The following PTPRK variants were observed in gnomAD, a reference collection of about 807,000 sequenced individuals.
The protein encoded by PTPRK is protein tyrosine phosphatase receptor type K.
Under a neutral mutation model 178.0 loss-of-function variants are expected in PTPRK, and 75 were observed. The ratio of observed to expected loss-of-function variants is 0.42; its 90% CI spans 0.35 to 0.51. PTPRK has a LOEUF of 0.51. Among genes scored for constraint, PTPRK ranks in the 20% least tolerant of loss-of-function variants. The pLI is 0.02. For synonymous variants in PTPRK, 637 were observed against 620.6 expected, an observed-to-expected ratio of 1.03 and a Z score of -0.39; for missense variants, 1,441 against 1,797.8, an observed-to-expected ratio of 0.80 and a Z score of 3.59.
chr6:128,242,266 G>A (rs536211812), intron 4 of PTPRK, among the ~76,000 whole-genome samples: 7 of 152,234 alleles, frequency 4.6e-5, no homozygotes, highest in Non-Finnish European at 7.4e-5. Flanking sequence ...GCCTTTGCAT[G>A]TATATTTTGT....
At chr6:128,408,204 A>G (rs1018546992) in intron 1 of PTPRK, among the ~76,000 whole-genome samples, 2 of 152,296 alleles carry the variant, frequency 1.3e-5, no homozygotes, top group Middle Eastern at 3.4e-3. Flanking sequence ...CCTGGCCAAC[A>G]TGGTGAAACC....
chr6:128,242,135 C>A (rs1457942037), intron 4 of PTPRK, among the ~76,000 whole-genome samples: 1 of 151,986 alleles, frequency 6.6e-6, no homozygotes, highest in Non-Finnish European at 1.5e-5. Flanking sequence ...CAACTCAGAT[C>A]AAATAACTTC....
At chr6:128,079,471 A>T (rs918446123) in intron 10 of PTPRK, among the ~76,000 whole-genome samples, 1 of 152,108 alleles carries the variant, frequency 6.6e-6, no homozygotes, top group African/African-American at 2.4e-5. Context: ...GCTTTTGTTC[A>T]TCAGGGACAT....
chr6:128,489,707 A>G (rs1853489562), intron 1 of PTPRK, among the ~76,000 whole-genome samples: 1 of 152,240 alleles, frequency 6.6e-6, no homozygotes, highest in Admixed American at 6.5e-5. Flanking sequence ...TAAAAGGAGG[A>G]TCAGGAAAAG....
intron 1 of PTPRK, chr6:128,409,384 C>T (rs528043118): frequency 3.8e-4 from 166 of 437,850 alleles, no homozygotes; most frequent in Non-Finnish European, 6.9e-4. Context: ...GAGGTAGACA[C>T]ATCATAAGTA....
intron 7 of PTPRK, among the ~76,000 whole-genome samples, chr6:128,171,813 T>C (rs1800300863): frequency 6.6e-6 from 1 of 152,034 alleles, no homozygotes; most frequent in African/African-American, 2.4e-5. Flanking sequence ...AAATTTAAGA[T>C]AAAGGTAACA....
chr6:128,389,412 T>G (rs201969119), intron 2 of PTPRK, among the ~76,000 whole-genome samples: 6 of 41,904 alleles, frequency 1.4e-4, no homozygotes, highest in East Asian at 0.014. Flanking sequence ...TGTTTTTTTT[T>G]GTTTTTTTTG....
At chr6:128,186,207 T>C (rs1357901810) in intron 6 of PTPRK, among the ~76,000 whole-genome samples, 1 of 152,122 alleles carries the variant, frequency 6.6e-6, no homozygotes, top group Non-Finnish European at 1.5e-5. Context: ...GAATTCATTA[T>C]TTTAAACTGA....
chr6:128,100,045 A>G (rs1413291010), intron 7 of PTPRK, among the ~76,000 whole-genome samples: 1 of 152,030 alleles, frequency 6.6e-6, no homozygotes, highest in Non-Finnish European at 1.5e-5. Flanking sequence ...AATAAAACCT[A>G]TCTAGTGCAC....
chr6:128,316,482 G>C (rs924336095), intron 3 of PTPRK, among the ~76,000 whole-genome samples: 1 of 152,112 alleles, frequency 6.6e-6, no homozygotes, highest in African/African-American at 2.4e-5. Context: ...ATAAAAGCAG[G>C]TATGACTGAG....
intron 6 of PTPRK, among the ~76,000 whole-genome samples, chr6:128,189,206 T>TTATA (rs201936100): frequency 1.3e-5 from 2 of 150,180 alleles, no homozygotes; most frequent in Non-Finnish European, 3.0e-5. Flanking sequence ...AGTTAATAAT[T>TTATA]TATATATATA....
chr6:128,050,816 C>G (rs1195847026), intron 13 of PTPRK, among the ~76,000 whole-genome samples: 4 of 152,188 alleles, frequency 2.6e-5, no homozygotes, highest in Non-Finnish European at 5.9e-5. Flanking sequence ...GTTGGGATTA[C>G]AGGCACGAGT....
chr6:128,083,698 C>T lies in PTPRK; in HGVS notation c.1575+17G>A, dbSNP rs1410044979. 1 of 1,481,664 alleles carries T rather than the reference C, an allele frequency of 6.7e-7. No homozygotes were observed. The highest frequency in any genetic ancestry group is 9.3e-7 in the Non-Finnish European group (1 of 1,079,478). The allele number at this position is 1,481,664 out of a possible 1,614,324, so 91.8% of individuals were successfully genotyped here. On this transcript the variant is annotated intron_variant, in intron 9 of 29. Coordinates refer to ENST00000368226, the MANE Select transcript of PTPRK (RefSeq NM_002844.4). ...CTTCAATCCACATTTCAATTAACTT[C>T]CTTGTTCTCCCAATACCTCATATTG...
chr6:128,150,204 G>A (rs532469981), intron 7 of PTPRK, among the ~76,000 whole-genome samples: 42 of 152,158 alleles, frequency 2.8e-4, no homozygotes, highest in African/African-American at 1.0e-3. Context: ...TGGGGGTGGG[G>A]TCACAGATCT....
At chr6:128,443,846 C>T (rs1846598151) in intron 1 of PTPRK, among the ~76,000 whole-genome samples, 1 of 151,806 alleles carries the variant, frequency 6.6e-6, no homozygotes, top group Non-Finnish European at 1.5e-5. Flanking sequence ...CTCTCCTAGA[C>T]CAGATTTTTT....
At chr6:128,184,933 T>C (rs1349059058) in intron 6 of PTPRK, among the ~76,000 whole-genome samples, 1 of 152,116 alleles carries the variant, frequency 6.6e-6, no homozygotes, top group African/African-American at 2.4e-5. Context: ...TTTAACATAA[T>C]TTTCCTGTAT....
At chr6:128,311,104 T>C (rs554472378) in intron 3 of PTPRK, among the ~76,000 whole-genome samples, 17 of 152,222 alleles carry the variant, frequency 1.1e-4, no homozygotes, top group South Asian at 8.3e-4. Context: ...AAATATGAGT[T>C]TGTAAGCCAA....
At chr6:128,121,763 T>A (rs568505779) in intron 7 of PTPRK, among the ~76,000 whole-genome samples, 1 of 151,144 alleles carries the variant, frequency 6.6e-6, no homozygotes, top group African/African-American at 2.4e-5. Context: ...ATGTGCGGGG[T>A]TTTTTTTTCC....
intron 2 of PTPRK, 32 bp from the exon 3 acceptor site, chr6:128,322,342 G>A: frequency 1.3e-6 from 2 of 1,515,294 alleles, no homozygotes; most frequent in East Asian, 4.5e-5. Context: ...TAATGCTAAA[G>A]AGATATATAA....
Sources: gnomAD v4.1 joint callset for allele counts (sites outside exome capture counted in the v4.1 genomes callset) on GRCh38, gnomAD v4.1.1 for gene constraint, MANE v1.5 for transcripts, NCBI Gene and HGNC (gene_info 2026-07-23, HGNC 2026-07-21) for gene names.